The following MCM3 variants were observed in gnomAD, a reference collection of about 807,000 sequenced individuals.
The protein encoded by MCM3 is DNA replication licensing factor MCM3.
MCM3 carries 59 observed loss-of-function variants against 91.3 expected under a neutral mutation model. The ratio of observed to expected loss-of-function variants is 0.65; its 90% CI spans 0.52 to 0.80. The LOEUF is 0.80. Ranked by LOEUF, MCM3 falls within the 30% of genes least tolerant of loss-of-function variation. The pLI is 0.00. For synonymous variants in MCM3, 383 were observed against 379.6 expected (o/e 1.01, Z -0.10); for missense variants, 919 against 1,035.4 (o/e 0.89, Z 1.54).
chr6:52,272,584 G>A, intron 11 of MCM3, 133 bp from the exon 12 acceptor site: 2 of 790,382 alleles, frequency 2.5e-6, no homozygotes, highest in Non-Finnish European at 3.9e-6. Context: ...CATTTATATG[G>A]AACATAGACA....
chr6:52,278,382 G>C (rs1292562379), intron 6 of MCM3, among the ~76,000 whole-genome samples: 1 of 152,078 alleles, frequency 6.6e-6, no homozygotes, highest in Admixed American at 6.5e-5. Context: ...ATCTTAAAAA[G>C]ATAAAAACAA....
chr6:52,269,910 A>G (rs1764958056), intron 12 of MCM3, among the ~76,000 whole-genome samples: 1 of 152,248 alleles, frequency 6.6e-6, no homozygotes, highest in African/African-American at 2.4e-5. Context: ...AGATATGTGT[A>G]CAAGTTTCAG....
rs187190657 is a variant in MCM3, at chr6:52,266,568, G to A, written c.2158+43C>T. ...ACAGAGCAACTGGAAAAGTCCAAGA[G>A]TCACAGGAACAACCTCTTTCATCAG... On this transcript the variant is annotated intron_variant, in intron 15 of 16. Transcript: ENST00000596288. 57 of 1,559,692 alleles carry A rather than the reference G, an allele frequency of 3.7e-5. No homozygotes were observed. The African/African-American group carries it at 4.6e-4, about 13-fold the overall frequency.
chr6:52,271,230 T>C (rs1218392140), intron 12 of MCM3, among the ~76,000 whole-genome samples: 1 of 152,088 alleles, frequency 6.6e-6, no homozygotes, highest in African/African-American at 2.4e-5. Flanking sequence ...GAGGCTTGAG[T>C]AGATGATCTG....
chr6:52,264,541 C>G lies in MCM3; in HGVS notation c.*47G>C. The G allele has an allele frequency of 1.2e-6, 2 of 1,604,342 alleles. No individual in the cohort carries two copies. Among genetic ancestry groups the G allele is most frequent in the Non-Finnish European group, 1.7e-6 (2 of 1,171,690 alleles). Reference sequence around the variant, plus strand: ...TGGGTCAGGGAGAGGGTGGGAAACACAGAACAAACTCTCTCGGCACAACCC... The same window carrying G: ...TGGGTCAGGGAGAGGGTGGGAAACAGAGAACAAACTCTCTCGGCACAACCC... On this transcript the variant is annotated 3_prime_UTR_variant, in exon 17 of 17. Transcript: ENST00000596288.
In MCM3 at chr6:52,278,804, G is replaced by A. The variant is rs772735200; in HGVS notation, c.817C>T (p.Gln273Ter). Residue 273 changes from glutamine to a stop codon, truncating the protein, a stop_gained, in exon 6 of 17, where the codon CAG becomes TAG. Coordinates refer to ENST00000596288, the MANE Select transcript of MCM3 (RefSeq NM_002388.6). LOFTEE classifies it high-confidence loss of function. The stretch of plus-strand genomic sequence containing the variant: ...ATATCCTCAGCAGAGAAAGAGGGCT[G>A]AGCATCCTTGCTCATCTGCTTAACA... Reference protein sequence around the residue: ...CNVKQMSKDAQPSFSAEDIAK... With the variant: ...CNVKQMSKDA 3.7e-6 allele frequency: 6 copies of A among 1,613,872 alleles called. No homozygotes were observed. Among genetic ancestry groups the A allele is most frequent in the Non-Finnish European group, 5.1e-6 (6 of 1,179,934 alleles).
Position 52,270,615 on chromosome 6 carries a change from G to A in MCM3, c.1828-1389C>T, listed in dbSNP as rs537328481. Among the ~76,000 whole-genome samples the A allele has an allele frequency of 4.6e-5, 7 of 152,276 alleles. No homozygotes were observed. The South Asian group carries it at 1.2e-3, about 27-fold the overall frequency. On this transcript the variant is annotated intron_variant, in intron 12 of 16. Transcript: ENST00000596288. The stretch of plus-strand genomic sequence containing the variant: ...TAAAAAGCTGGTGAAATCCTGGCCT[G>A]CACTAGCAGACCTAGAGAATCCAAA...
intron 12 of MCM3, among the ~76,000 whole-genome samples, chr6:52,270,697 G>A (rs1300114266): frequency 2.6e-5 from 4 of 152,038 alleles, no homozygotes; most frequent in Admixed American, 1.3e-4. Flanking sequence ...AGTGTATGAC[G>A]CTCAGTTCTA....
Position 52,283,404 on chromosome 6 carries a change from T to G in MCM3, c.81A>C (p.Glu27Asp). 6.2e-7 allele frequency: 1 copy of G among 1,611,310 alleles called. No individual in the cohort carries two copies. The highest frequency in any genetic ancestry group is 1.7e-4 in the Middle Eastern group (1 of 6,060). Residue 27 changes from glutamate (E) to aspartate (D), a missense_variant and splice_region_variant, in exon 2 of 17, where the codon GAA becomes GAC. Coordinates refer to ENST00000596288, the MANE Select transcript of MCM3 (RefSeq NM_002388.6). ...CTTTGCTCTGATAAATTCCCTGGTC[T>G]TCCTGCAAAACAGCCACCACATATC... The part of the protein sequence containing the change: ...RDYLDFLDDE[E>D]DQGIYQSKVR...
At chr6:52,276,955 T>C (rs905740609) in intron 8 of MCM3, 112 bp downstream of exon 8, 2 of 1,307,438 alleles carry the variant, frequency 1.5e-6, no homozygotes, top group South Asian at 2.9e-5. Flanking sequence ...TCCTCTATAA[T>C]CTGGACCCAA....
chr6:52,268,450 C>T (rs1381907713), intron 13 of MCM3, among the ~76,000 whole-genome samples: 1 of 152,118 alleles, frequency 6.6e-6, no homozygotes, highest in African/African-American at 2.4e-5. Context: ...AGACTCACAA[C>T]TCAACCCTTA....
intron 15 of MCM3, 132 bp downstream of exon 15, chr6:52,266,479 C>G: frequency 1.2e-6 from 1 of 808,246 alleles, no homozygotes; most frequent in South Asian, 1.6e-5. Flanking sequence ...TTGGGACAAA[C>G]CTCTTGGACA....
Position 52,273,736 on chromosome 6 carries a change from C to T in MCM3, c.1549+6G>A, listed in dbSNP as rs1262205850. 1.9e-6 allele frequency: 3 copies of T among 1,605,106 alleles called. No individual in the cohort carries two copies. Among genetic ancestry groups the T allele is most frequent in the East Asian group, 4.5e-5 (2 of 44,734 alleles). On this transcript the variant is annotated splice_donor_region_variant and intron_variant, in intron 10 of 16. Transcript: ENST00000596288. ...TTAGTTACTCTTACTATTCTTATGG[C>T]CTCACCATCGCCATCCTGCTCCCCA...
At position 52,284,618 on chromosome 6, in the gene MCM3, G is replaced by A. The variant is rs1766482326; in HGVS notation, c.57C>T (p.Tyr19=). ...DVELREAQRD[Y]LDFLDDEEDQ... ...TCACCTCGTCGTCCAGGAAGTCCAGGTAATCTCTCTGAGCCTCCCGCAGCT... is the reference window on the plus strand; with the variant it reads ...TCACCTCGTCGTCCAGGAAGTCCAGATAATCTCTCTGAGCCTCCCGCAGCT... The change falls in exon 1 of 17, where the codon TAC becomes TAT. Residue 19 remains tyrosine, a synonymous_variant. Coordinates refer to ENST00000596288, the MANE Select transcript of MCM3 (RefSeq NM_002388.6). 4.4e-6 allele frequency: 7 copies of A among 1,608,628 alleles called. No homozygotes were observed. The East Asian group carries it at 1.6e-4, about 36-fold the overall frequency.
chr6:52,279,339 T>C (rs746106715), intron 5 of MCM3, 22 bp downstream of exon 5: 1 of 1,585,562 alleles, frequency 6.3e-7, no homozygotes, highest in Non-Finnish European at 8.6e-7. Flanking sequence ...GCATTCCATA[T>C]ACTTTAAGGC....
At position 52,266,155 on chromosome 6, in the gene MCM3, T is replaced by C. The variant is rs764529856; in HGVS notation, c.2159-11A>G. ...TCTTTGGAGTGTGTACTTCAGAGGG[T>C]TGATGGTTGTAGAGATGGGGAAGAT... On this transcript the variant is annotated splice_polypyrimidine_tract_variant and intron_variant, in intron 15 of 16. Transcript: ENST00000596288. 3 of 1,610,320 alleles carry C rather than the reference T, an allele frequency of 1.9e-6. No homozygotes were observed. Among genetic ancestry groups the C allele is most frequent in the East Asian group, 4.5e-5 (2 of 44,878 alleles).
intron 9 of MCM3, chr6:52,275,937 C>A (rs573493719): frequency 5.3e-6 from 1 of 188,174 alleles, no homozygotes; most frequent in African/African-American, 2.3e-5. Flanking sequence ...CAAGTCTTTT[C>A]GTTTTCATAC....
chr6:52,264,286 T>C lies in MCM3; in HGVS notation c.*302A>G. The C allele has an allele frequency of 2.9e-6, 1 of 342,148 alleles. No individual in the cohort carries two copies. The highest frequency in any genetic ancestry group is 6.2e-5 in the East Asian group (1 of 16,162). 21.2% of individuals were successfully genotyped at this position (342,148 alleles called of 1,614,324 possible). A position where few individuals can be genotyped will look rare whatever the true frequency, so the allele number is the denominator to read the frequency against. ...CCAAAAGTACTCAGAAGTCATATGT[T>C]ATTTACAATTGGGTTTGTGTGGGAT... On this transcript the variant is annotated 3_prime_UTR_variant, in exon 17 of 17. Transcript: ENST00000596288.
intron 12 of MCM3, among the ~76,000 whole-genome samples, chr6:52,269,667 A>G (rs1249669258): frequency 2.0e-5 from 3 of 152,240 alleles, no homozygotes; most frequent in Admixed American, 6.5e-5. Context: ...AAGTCACACT[A>G]AAGGAGGGAT....
Sources: allele counts gnomAD v4.1 joint callset (sites outside exome capture counted in the v4.1 genomes callset), GRCh38; gene constraint gnomAD v4.1.1; transcripts MANE v1.5; gene names NCBI Gene and HGNC (gene_info 2026-07-23, HGNC 2026-07-21).